LRMDA: variants seen among roughly 807,000 people sequenced by gnomAD.
The protein encoded by LRMDA is leucine-rich melanocyte differentiation-associated protein.
In LRMDA, 18 loss-of-function variants were observed where a neutral mutation model predicts 29.8. The ratio of observed to expected loss-of-function variants is 0.60; its 90% CI spans 0.42 to 0.90. The LOEUF is 0.90. Among genes scored for constraint, LRMDA ranks in the 40% least tolerant of loss-of-function variants. The probability of loss-of-function intolerance (pLI) is 0.00; values close to 1 mark genes in which losing one functional copy is unlikely to be tolerated. For synonymous variants in LRMDA, 125 were observed against 109.4 expected (o/e 1.14, Z -0.89); for missense variants, 273 against 273.9 (o/e 1.00, Z 0.02).
At chr10:75,982,369 A>C (rs1455824385) in intron 2 of LRMDA, among the ~76,000 whole-genome samples, 1 of 152,096 alleles carries the variant, frequency 6.6e-6, no homozygotes, top group Non-Finnish European at 1.5e-5. Flanking sequence ...ATGGTTGACC[A>C]TCCTTGGACC....
chr10:75,867,266 G>A (rs999102636), intron 2 of LRMDA, among the ~76,000 whole-genome samples: 1 of 152,048 alleles, frequency 6.6e-6, no homozygotes, highest in Non-Finnish European at 1.5e-5. Flanking sequence ...AGGTTCAAGC[G>A]ATTCTCCTGC....
intron 2 of LRMDA, among the ~76,000 whole-genome samples, chr10:75,618,343 TGTC>T (rs1248499674): frequency 1.4e-5 from 2 of 142,406 alleles, no homozygotes; most frequent in African/African-American, 5.2e-5. Flanking sequence ...CTTATGTAGT[TGTC>T]TTTACCAGAC....
intron 6 of LRMDA, among the ~76,000 whole-genome samples, chr10:76,446,026 TG>T (rs1842350944): frequency 6.6e-6 from 1 of 152,214 alleles, no homozygotes; most frequent in African/African-American, 2.4e-5. Context: ...GTCATGCATT[TG>T]GTGTGTAGCT....
intron 2 of LRMDA, among the ~76,000 whole-genome samples, chr10:75,730,817 T>A (rs1842687908): frequency 6.6e-6 from 1 of 152,110 alleles, no homozygotes; most frequent in Non-Finnish European, 1.5e-5. Context: ...GAAAGAAAAT[T>A]AATTATTTTC....
chr10:76,162,285 AG>A (rs1200003954), intron 5 of LRMDA, among the ~76,000 whole-genome samples: 2 of 152,148 alleles, frequency 1.3e-5, no homozygotes, highest in African/African-American at 4.8e-5. Context: ...AGAAGGGAAA[AG>A]ATCGCTGGCA....
chr10:75,501,339 A>G (rs1845110907), intron 2 of LRMDA, among the ~76,000 whole-genome samples: 1 of 152,212 alleles, frequency 6.6e-6, no homozygotes, highest in African/African-American at 2.4e-5. Flanking sequence ...TACTCTTATA[A>G]AATGTGTTCC....
chr10:75,501,482 C>G (rs1025738077), intron 2 of LRMDA, among the ~76,000 whole-genome samples: 3 of 152,112 alleles, frequency 2.0e-5, no homozygotes. Context: ...CCAGAAGGAG[C>G]AAGAAAGGCA....
intron 2 of LRMDA, among the ~76,000 whole-genome samples, chr10:75,671,101 A>G (rs1841885811): frequency 6.6e-6 from 1 of 152,224 alleles, no homozygotes; most frequent in South Asian, 2.1e-4. Context: ...TTTCTAGATC[A>G]GAGGATGCTG....
At chr10:76,161,906 G>A (rs1850653921) in intron 5 of LRMDA, among the ~76,000 whole-genome samples, 1 of 152,184 alleles carries the variant, frequency 6.6e-6, no homozygotes, top group Non-Finnish European at 1.5e-5. Flanking sequence ...TTTAAATAGT[G>A]GGTGAGCTTT....
At chr10:76,079,984 G>T (rs1443371603) in intron 5 of LRMDA, among the ~76,000 whole-genome samples, 1 of 151,936 alleles carries the variant, frequency 6.6e-6, no homozygotes, top group Non-Finnish European at 1.5e-5. Context: ...TGTGATTTCT[G>T]GCCTCATTTC....
At chr10:76,374,453 T>C (rs1181412723) in intron 6 of LRMDA, among the ~76,000 whole-genome samples, 1 of 152,186 alleles carries the variant, frequency 6.6e-6, no homozygotes, top group Non-Finnish European at 1.5e-5. Context: ...CAGAGCATAC[T>C]GCACAAGATG....
chr10:76,141,610 C>T (rs936344712), intron 5 of LRMDA, among the ~76,000 whole-genome samples: 4 of 152,202 alleles, frequency 2.6e-5, no homozygotes, highest in South Asian at 4.2e-4. Flanking sequence ...AGATCAGTTC[C>T]ATTCCAGCCA....
At chr10:76,043,112 ACT>A (rs1311178289) in intron 3 of LRMDA, among the ~76,000 whole-genome samples, 4 of 151,720 alleles carry the variant, frequency 2.6e-5, no homozygotes, top group Admixed American at 1.3e-4. Flanking sequence ...ACAGAGTGAG[ACT>A]CTGTCTCAAA....
At chr10:76,035,031 G>A (rs895274990) in intron 2 of LRMDA, among the ~76,000 whole-genome samples, 3 of 151,400 alleles carry the variant, frequency 2.0e-5, no homozygotes, top group Non-Finnish European at 4.4e-5. Flanking sequence ...ACTCATGAGA[G>A]CCCATAAAAT....
At chr10:75,836,791 T>G (rs1844444863) in intron 2 of LRMDA, among the ~76,000 whole-genome samples, 1 of 152,192 alleles carries the variant, frequency 6.6e-6, no homozygotes, top group Admixed American at 6.5e-5. Flanking sequence ...CCGAATGATC[T>G]TTTCTTTTTC....
chr10:76,382,331 G>C (rs575562769), intron 6 of LRMDA, among the ~76,000 whole-genome samples: 1 of 152,326 alleles, frequency 6.6e-6, no homozygotes, highest in Non-Finnish European at 1.5e-5. Context: ...GTTGAGTTAT[G>C]AGTTGAGAAT....
chr10:76,301,054 A>G (rs1437108533), intron 5 of LRMDA, among the ~76,000 whole-genome samples: 1 of 152,106 alleles, frequency 6.6e-6, no homozygotes, highest in Non-Finnish European at 1.5e-5. Flanking sequence ...AATCCATGCT[A>G]TTTGTTTTTT....
intron 2 of LRMDA, among the ~76,000 whole-genome samples, chr10:75,903,243 C>A (rs1291783748): frequency 2.0e-5 from 3 of 152,196 alleles, no homozygotes; most frequent in Non-Finnish European, 4.4e-5. Context: ...CAGGGCCTTG[C>A]TCTTAGAAAA....
intron 2 of LRMDA, among the ~76,000 whole-genome samples, chr10:75,933,108 A>G (rs1043150456): frequency 6.6e-6 from 1 of 152,174 alleles, no homozygotes; most frequent in Non-Finnish European, 1.5e-5. Context: ...GCCAGATGCT[A>G]TCATTTCTGA....
Sources: allele counts gnomAD v4.1 joint callset (sites outside exome capture counted in the v4.1 genomes callset), GRCh38; gene constraint gnomAD v4.1.1; transcripts MANE v1.5; gene names NCBI Gene and HGNC (gene_info 2026-07-23, HGNC 2026-07-21).